The following SPAG16 variants were observed in gnomAD, a reference collection of about 807,000 sequenced individuals.
SPAG16 encodes sperm-associated antigen 16 protein.
SPAG16 carries 86 observed loss-of-function variants against 80.4 expected under a neutral mutation model. The ratio of observed to expected loss-of-function variants is 1.07; its 90% CI spans 0.90 to 1.28. The LOEUF is 1.28. Among genes scored for constraint, SPAG16 ranks in the 50% most tolerant of loss-of-function variants. SPAG16 has a pLI of 0.00. For missense variants in SPAG16, 870 were observed against 765.3 expected, an observed-to-expected ratio of 1.14 and a Z score of -1.61; for synonymous variants, 294 against 265.9, an observed-to-expected ratio of 1.11 and a Z score of -1.03.
At chr2:213,305,620 T>A (rs2062910541) in intron 3 of SPAG16, among the ~76,000 whole-genome samples, 1 of 152,188 alleles carries the variant, frequency 6.6e-6, no homozygotes, top group African/African-American at 2.4e-5. Flanking sequence ...AAGGATAATA[T>A]GATTTTTGAT....
At chr2:214,067,413 A>G (rs904620691) in intron 13 of SPAG16, among the ~76,000 whole-genome samples, 1 of 152,134 alleles carries the variant, frequency 6.6e-6, no homozygotes, top group Admixed American at 6.6e-5. Context: ...TCAAATATTA[A>G]AGGCAGTTTT....
chr2:213,358,254 G>T (rs577245114), intron 7 of SPAG16, among the ~76,000 whole-genome samples: 1 of 152,196 alleles, frequency 6.6e-6, no homozygotes, highest in Admixed American at 6.5e-5. Context: ...CTCTTCTTGG[G>T]GAGTACCTTT....
intron 11 of SPAG16, among the ~76,000 whole-genome samples, chr2:213,917,580 G>A (rs2078027353): frequency 6.6e-6 from 1 of 152,094 alleles, no homozygotes; most frequent in Non-Finnish European, 1.5e-5. Flanking sequence ...CAGCTTAGAT[G>A]TTGTTGGTAT....
intron 10 of SPAG16, among the ~76,000 whole-genome samples, chr2:213,567,347 G>A (rs1478681322): frequency 1.7e-5 from 2 of 118,976 alleles, no homozygotes; most frequent in Admixed American, 8.6e-5. Flanking sequence ...GTGTCATCTA[G>A]CATTAGGTAT....
intron 10 of SPAG16, among the ~76,000 whole-genome samples, chr2:213,712,689 G>T (rs1236886570): frequency 6.6e-6 from 1 of 152,026 alleles, no homozygotes; most frequent in Non-Finnish European, 1.5e-5. Flanking sequence ...TCCATATCAA[G>T]TGAAGCTGTC....
intron 13 of SPAG16, among the ~76,000 whole-genome samples, chr2:214,047,648 C>A (rs2049405455): frequency 6.6e-6 from 1 of 152,024 alleles, no homozygotes. Context: ...ATTTCTTGAG[C>A]AATACCCTAC....
intron 10 of SPAG16, among the ~76,000 whole-genome samples, chr2:213,562,055 C>A (rs1424888553): frequency 6.6e-6 from 1 of 152,194 alleles, no homozygotes; most frequent in Non-Finnish European, 1.5e-5. Context: ...TGAATTCTTA[C>A]ATGTCTGAAG....
chr2:213,462,677 TGTGAAGAAG>T (rs1420386381), intron 9 of SPAG16, among the ~76,000 whole-genome samples: 2 of 152,216 alleles, frequency 1.3e-5, no homozygotes, highest in African/African-American at 4.8e-5. Context: ...CCTGCTGCCC[TGTGAAGAAG>T]GTGCCTGTTT....
intron 1 of SPAG16, among the ~76,000 whole-genome samples, chr2:213,293,752 A>G (rs1423099598): frequency 1.3e-5 from 2 of 152,222 alleles, no homozygotes; most frequent in Non-Finnish European, 2.9e-5. Context: ...GAGAAACTAC[A>G]ATATAATAAA....
Position 213,973,663 on chromosome 2 carries a change from A to G in SPAG16, c.1401-40288A>G, listed in dbSNP as rs188554976. ...TTTTTTTTTTTTTGATTCGGCATTC[A>G]TTTGGTTACTGTATACTTTTGACTG... On this transcript the variant is annotated intron_variant, in intron 12 of 15. Transcript: ENST00000331683. Among the ~76,000 whole-genome samples the G allele has an allele frequency of 1.7e-3, 255 of 145,802 alleles. 1 individual carries two copies. Among genetic ancestry groups the G allele is most frequent in the African/African-American group, 6.3e-3 (249 of 39,324 alleles).
At chr2:214,261,584 GA>G (rs1359016024) in intron 15 of SPAG16, among the ~76,000 whole-genome samples, 1 of 152,068 alleles carries the variant, frequency 6.6e-6, no homozygotes, top group Non-Finnish European at 1.5e-5. Flanking sequence ...TAATTTTTTG[GA>G]ACACTATCTT....
intron 13 of SPAG16, among the ~76,000 whole-genome samples, chr2:214,024,514 A>G (rs2048036866): frequency 6.6e-6 from 1 of 151,624 alleles, no homozygotes; most frequent in Admixed American, 6.6e-5. Context: ...TTTCTTAGGG[A>G]AGAATAAGAT....
intron 10 of SPAG16, among the ~76,000 whole-genome samples, chr2:213,514,396 A>C (rs2075342745): frequency 1.3e-5 from 2 of 152,216 alleles, no homozygotes; most frequent in South Asian, 4.1e-4. Flanking sequence ...TATCATAATT[A>C]GAGTTTACAT....
chr2:213,977,756 G>A (rs964200878), intron 12 of SPAG16, among the ~76,000 whole-genome samples: 6 of 151,980 alleles, frequency 3.9e-5, no homozygotes, highest in Non-Finnish European at 8.8e-5. Context: ...AAGGGTCCAA[G>A]GACCTCTTTT....
chr2:214,152,286 G>A (rs993986599), intron 15 of SPAG16, among the ~76,000 whole-genome samples: 2 of 152,126 alleles, frequency 1.3e-5, no homozygotes, highest in Non-Finnish European at 2.9e-5. Flanking sequence ...TATTCACAGA[G>A]TATCATTTTT....
chr2:213,434,772 A>G (rs1409164220), intron 9 of SPAG16, among the ~76,000 whole-genome samples: 5 of 152,254 alleles, frequency 3.3e-5, no homozygotes, highest in Non-Finnish European at 7.3e-5. Flanking sequence ...GACGTAAGTC[A>G]GAATATGGCC....
chr2:213,311,041 CATCTT>C (rs1276596969), intron 4 of SPAG16, among the ~76,000 whole-genome samples: 2 of 151,496 alleles, frequency 1.3e-5, no homozygotes, highest in African/African-American at 4.8e-5. Flanking sequence ...TTTTGGTTCT[CATCTT>C]CTGAGAACAT....
intron 10 of SPAG16, among the ~76,000 whole-genome samples, chr2:213,755,138 T>C (rs1475112421): frequency 2.0e-5 from 3 of 152,198 alleles, no homozygotes; most frequent in Admixed American, 1.3e-4. Flanking sequence ...GGCAAGAATA[T>C]TTGGTGCATT....
intron 10 of SPAG16, among the ~76,000 whole-genome samples, chr2:213,850,289 T>G (rs991348856): frequency 6.6e-6 from 1 of 152,182 alleles, no homozygotes; most frequent in Non-Finnish European, 1.5e-5. Flanking sequence ...TTTATAAGGG[T>G]CAGGACCAGC....
Sources: gnomAD v4.1 joint callset for allele counts (sites outside exome capture counted in the v4.1 genomes callset) on GRCh38, gnomAD v4.1.1 for gene constraint, MANE v1.5 for transcripts, NCBI Gene and HGNC (gene_info 2026-07-23, HGNC 2026-07-21) for gene names.